Variants in GCNT2 observed in about 807,000 individuals in gnomAD.
GCNT2 encodes the protein glucosaminyl (N-acetyl) transferase 2 (I blood group), also known as N-acetyllactosaminide beta-1,6-N-acetylglucosaminyl-transferase.
Under a neutral mutation model 34.2 loss-of-function variants are expected in GCNT2, and 34 were observed. That is an observed-to-expected ratio of 1.00 (90% confidence interval 0.76 to 1.32). GCNT2 has a LOEUF of 1.32. Among genes scored for constraint, GCNT2 ranks in the 40% most tolerant of loss-of-function variants. The probability of loss-of-function intolerance (pLI) is 0.00; values close to 1 mark genes in which losing one functional copy is unlikely to be tolerated. For missense variants in GCNT2, 584 were observed against 489.4 expected (o/e 1.19, Z -1.82); for synonymous variants, 212 against 188.0 (o/e 1.13, Z -1.04).
At chr6:10,599,749 CATG>C (rs2127426200) in intron 3 of GCNT2, among the ~76,000 whole-genome samples, 1 of 152,306 alleles carries the variant, frequency 6.6e-6, no homozygotes, top group East Asian at 1.9e-4. Flanking sequence ...CTGCTAATCT[CATG>C]GTGGCAAAGG....
intron 3 of GCNT2, among the ~76,000 whole-genome samples, chr6:10,544,254 C>T (rs139998153): frequency 6.6e-6 from 1 of 151,646 alleles, no homozygotes; most frequent in African/African-American, 2.4e-5. Flanking sequence ...GCGGAGGTTG[C>T]AGTGAGCCGA....
intron 3 of GCNT2, among the ~76,000 whole-genome samples, chr6:10,590,228 G>C (rs1368491843): frequency 6.6e-6 from 1 of 151,956 alleles, no homozygotes; most frequent in Non-Finnish European, 1.5e-5. Context: ...TGAGATCCCT[G>C]TCTCTACAAA....
chr6:10,582,522 T>A (rs1453951660), intron 3 of GCNT2, among the ~76,000 whole-genome samples: 14 of 102,442 alleles, frequency 1.4e-4, no homozygotes, highest in African/African-American at 4.1e-4. Context: ...TATATTATAT[T>A]ATACATCATA....
chr6:10,611,027 T>A (rs1765526572), intron 3 of GCNT2, among the ~76,000 whole-genome samples: 1 of 152,202 alleles, frequency 6.6e-6, no homozygotes, highest in African/African-American at 2.4e-5. Flanking sequence ...TCTCAGGGAC[T>A]ACAAAACTAG....
intron 3 of GCNT2, chr6:10,530,042 A>C (rs1279873469): frequency 3.6e-6 from 2 of 553,016 alleles, no homozygotes; most frequent in African/African-American, 3.8e-5. Flanking sequence ...TCACAGGACA[A>C]AAGACCGAAG....
At chr6:10,596,116 A>G (rs757306627) in intron 3 of GCNT2, among the ~76,000 whole-genome samples, 4 of 152,232 alleles carry the variant, frequency 2.6e-5, no homozygotes, top group Non-Finnish European at 5.9e-5. Flanking sequence ...CTTTTAGGCT[A>G]TACTACATGA....
rs74819528 is a variant in GCNT2 at position 10,576,366 on chromosome 6, A to G, written c.926-44985A>G. ...TAGTGAATGGCCCACAGCTTTAAAT[A>G]CCTACTACACAGCCCTGTGCAGAAG... is the stretch of plus-strand genomic sequence containing the variant. On this transcript the variant is annotated intron_variant, in intron 3 of 4. Coordinates refer to ENST00000495262, the MANE Select transcript of GCNT2 (RefSeq NM_145649.5). Among the ~76,000 whole-genome samples the G allele has an allele frequency of 1.6e-3, 249 of 152,288 alleles. 2 individuals carry two copies. Among genetic ancestry groups the G allele is most frequent in the African/African-American group, 5.7e-3 (237 of 41,564 alleles).
intron 3 of GCNT2, among the ~76,000 whole-genome samples, chr6:10,589,959 G>C (rs1418433508): frequency 6.6e-6 from 1 of 152,110 alleles, no homozygotes; most frequent in Non-Finnish European, 1.5e-5. Flanking sequence ...TTTAAAGCTA[G>C]GTACAAGGAA....
chr6:10,579,938 C>T (rs1053228193), intron 3 of GCNT2, among the ~76,000 whole-genome samples: 19 of 151,598 alleles, frequency 1.3e-4, no homozygotes, highest in African/African-American at 4.6e-4. Flanking sequence ...GTTGAACTTA[C>T]TTCACCTACT....
intron 1 of GCNT2, among the ~76,000 whole-genome samples, chr6:10,524,245 C>G (rs1033681858): frequency 6.6e-6 from 1 of 151,214 alleles, no homozygotes; most frequent in Non-Finnish European, 1.5e-5. Context: ...GACACATAAT[C>G]CAGGGCTTTT....
At chr6:10,608,310 C>G (rs1019765928) in intron 3 of GCNT2, among the ~76,000 whole-genome samples, 1 of 152,016 alleles carries the variant, frequency 6.6e-6, no homozygotes, top group Non-Finnish European at 1.5e-5. Context: ...CTCCCGACCT[C>G]AGGTGATCCA....
At chr6:10,621,031 A>G (rs1766012731) in intron 3 of GCNT2, among the ~76,000 whole-genome samples, 1 of 152,202 alleles carries the variant, frequency 6.6e-6, no homozygotes, top group African/African-American at 2.4e-5. Context: ...CTGGCTTAGC[A>G]AGATGCCAAC....
chr6:10,532,302 A>G (rs889696285), intron 3 of GCNT2, among the ~76,000 whole-genome samples: 4 of 152,216 alleles, frequency 2.6e-5, no homozygotes, highest in Admixed American at 2.0e-4. Flanking sequence ...GCAGTAACAG[A>G]TTGGCAAAGC....
intron 3 of GCNT2, chr6:10,556,381 AC>A (rs780473247): frequency 4.8e-5 from 77 of 1,611,858 alleles, no homozygotes; most frequent in Non-Finnish European, 8.5e-6. Flanking sequence ...AAAAAGACTT[AC>A]AGATTTTGAC....
chr6:10,562,659 A>G (rs1217570183), intron 3 of GCNT2, among the ~76,000 whole-genome samples: 1 of 88,630 alleles, frequency 1.1e-5, no homozygotes, highest in Admixed American at 1.2e-4. Context: ...CTTCTCTGAA[A>G]AAAAAAAAAA....
chr6:10,584,867 A>G (rs1337867746), intron 3 of GCNT2, among the ~76,000 whole-genome samples: 1 of 152,150 alleles, frequency 6.6e-6, no homozygotes, highest in African/African-American at 2.4e-5. Context: ...TTTTCTACAT[A>G]GACACAGTAA....
chr6:10,569,933 C>T, intron 3 of GCNT2, among the ~76,000 whole-genome samples: 1 of 89,684 alleles, frequency 1.1e-5, no homozygotes, highest in African/African-American at 3.7e-5. Flanking sequence ...TTCTCTCTCT[C>T]TTCCTTCCTT....
intron 3 of GCNT2, chr6:10,586,175 A>G (rs1252402923): frequency 6.2e-7 from 1 of 1,614,166 alleles, no homozygotes; most frequent in Admixed American, 1.7e-5. Context: ...TTTTGTGGGA[A>G]AATATATTAC....
At chr6:10,587,301 T>C (rs1019958015) in intron 3 of GCNT2, among the ~76,000 whole-genome samples, 1 of 152,242 alleles carries the variant, frequency 6.6e-6, no homozygotes, top group Non-Finnish European at 1.5e-5. Flanking sequence ...TAGACATCGC[T>C]TTCATTGATG....
Sources: allele counts gnomAD v4.1 joint callset (sites outside exome capture counted in the v4.1 genomes callset), GRCh38; gene constraint gnomAD v4.1.1; transcripts MANE v1.5; gene names NCBI Gene and HGNC (gene_info 2026-07-23, HGNC 2026-07-21).